IFI16: variants seen among roughly 807,000 people sequenced by gnomAD.
The protein encoded by IFI16 is interferon gamma inducible protein 16, also known as gamma-interferon-inducible protein 16.
In IFI16, 49 loss-of-function variants were observed where a neutral mutation model predicts 68.4. That is an observed-to-expected ratio of 0.72 (90% CI 0.57 to 0.91). The LOEUF (loss-of-function observed/expected upper bound fraction) is 0.91, where lower values mean the gene tolerates loss of function less well. Ranked by LOEUF, IFI16 falls within the 40% of genes least tolerant of loss-of-function variation. The pLI, the probability that IFI16 is intolerant of heterozygous loss-of-function variation, is 0.00. For missense variants in IFI16, 878 were observed against 942.9 expected, an observed-to-expected ratio of 0.93 and a Z score of 0.90; for synonymous variants, 307 against 315.0, an observed-to-expected ratio of 0.97 and a Z score of 0.27.
Position 159,022,547 on chromosome 1 carries a change from C to T in IFI16, c.1161+2018C>T, listed in dbSNP as rs150233837. The stretch of plus-strand genomic sequence containing the variant: ...TGTCCCGACTGGCTAGCACTTAGAA[C>T]TTTTTAAAAGAGGCAAAGGCATAGG... On this transcript the variant is annotated intron_variant, in intron 6 of 11. Coordinates refer to ENST00000295809, the MANE Select transcript of IFI16 (RefSeq NM_001376587.1). Among the ~76,000 whole-genome samples, 147 of 152,102 alleles carry T rather than the reference C, an allele frequency of 9.7e-4. No homozygotes were observed. The East Asian group carries it at 0.025, about 26-fold the overall frequency.
At chr1:159,006,273 G>A (rs1186564894), upstream of IFI16, among the ~76,000 whole-genome samples, 3 of 152,146 alleles carry the variant, frequency 2.0e-5, no homozygotes, top group Non-Finnish European at 4.4e-5. Flanking sequence ...TTATACCTAG[G>A]TTTAGGAAGG....
At chr1:159,007,996 A>G (rs919865969), upstream of IFI16, among the ~76,000 whole-genome samples, 2 of 152,252 alleles carry the variant, frequency 1.3e-5, no homozygotes, top group African/African-American at 4.8e-5. Flanking sequence ...AGACATTTGC[A>G]ATACTGACAG....
intron 7 of IFI16, among the ~76,000 whole-genome samples, chr1:159,041,042 G>C (rs1390406580): frequency 6.6e-6 from 1 of 152,188 alleles, no homozygotes; most frequent in Non-Finnish European, 1.5e-5. Flanking sequence ...AGAGTGGCCA[G>C]AGGCTGTTCT....
chr1:159,007,982 G>T (rs1652321626), upstream of IFI16, among the ~76,000 whole-genome samples: 2 of 152,132 alleles, frequency 1.3e-5, no homozygotes, highest in South Asian at 4.1e-4. Flanking sequence ...TCTTAGCAAG[G>T]TAAAGACATT....
At chr1:159,030,181 A>G (rs1653919202) in intron 6 of IFI16, among the ~76,000 whole-genome samples, 1 of 151,320 alleles carries the variant, frequency 6.6e-6, no homozygotes, top group South Asian at 2.1e-4. Context: ...ATTTTTTTGG[A>G]GATTTTTCCA....
chr1:159,015,018 C>T (rs1652834672), intron 2 of IFI16, 73 bp downstream of exon 2: 1 of 1,356,418 alleles, frequency 7.4e-7, no homozygotes, highest in Non-Finnish European at 1.0e-6. Context: ...TAGAGCCCCA[C>T]CTCGGACATA....
At chr1:159,015,226 A>C (rs1652845891) in intron 2 of IFI16, among the ~76,000 whole-genome samples, 1 of 152,208 alleles carries the variant, frequency 6.6e-6, no homozygotes, top group African/African-American at 2.4e-5. Flanking sequence ...CATTAGAAAG[A>C]TTATATAATA....
At chr1:159,012,833 C>A (rs999927313) in intron 1 of IFI16, among the ~76,000 whole-genome samples, 1 of 152,106 alleles carries the variant, frequency 6.6e-6, no homozygotes, top group African/African-American at 2.4e-5. Flanking sequence ...AGTTTGAAGA[C>A]GAACTTATTG....
chr1:159,054,432 AAACCTTCTTTGATAGCAATTGC>A (rs1446999655), intron 11 of IFI16, among the ~76,000 whole-genome samples: 2 of 152,174 alleles, frequency 1.3e-5, no homozygotes, highest in African/African-American at 4.8e-5. Context: ...CAAACATTTC[AAACCTTCTTTGATAGCAATTGC>A]ACCAGGAATA....
upstream of IFI16, among the ~76,000 whole-genome samples, chr1:159,001,712 T>G (rs1053955456): frequency 5.3e-5 from 8 of 152,182 alleles, no homozygotes; most frequent in Non-Finnish European, 1.2e-4. Context: ...ACAACCCTAT[T>G]ACGTGCTAAC....
At chr1:159,040,046 A>G (rs1401249476) in intron 7 of IFI16, among the ~76,000 whole-genome samples, 2 of 152,250 alleles carry the variant, frequency 1.3e-5, no homozygotes, top group African/African-American at 4.8e-5. Context: ...CCAACTGGGC[A>G]TATGAATAAA....
chr1:159,051,905 C>T lies in IFI16; in HGVS notation c.1892C>T (p.Ala631Val). Residue 631 changes from alanine (A) to valine (V), a missense_variant, in exon 10 of 12, where the codon GCC becomes GTC. By Grantham distance (64) the Ala-to-Val change is moderately conservative (BLOSUM62 0). Around this residue, in one of 4 missense-constraint regions of IFI16, gnomAD observed 311 missense variants for 305.1 expected, o/e 1.02. Coordinates refer to ENST00000295809, the MANE Select transcript of IFI16 (RefSeq NM_001376587.1). Reference protein sequence around the residue: ...KEKFTPKKIIAIANYVCRNGF... With the variant: ...KEKFTPKKIIVIANYVCRNGF... ...AAGTTCACCCCAAAGAAGATCATTG[C>T]CATAGCAAATTATGTTTGCCGCAAT... 6.2e-7 allele frequency: 1 copy of T among 1,614,034 alleles called. No individual in the cohort carries two copies. Among genetic ancestry groups the T allele is most frequent in the Non-Finnish European group, 8.5e-7 (1 of 1,179,930 alleles).
Position 159,018,635 on chromosome 1 carries a change from T to A in IFI16, c.956T>A (p.Val319Glu). ...GCTTCAGGAAATATTGTATATGGGG[T>A]ATTTATGCTACATAAGGTAAGTCCT... ...KQASGNIVYG[V>E]FMLHKKTVNQ... The change falls in exon 5 of 12, where the codon GTA (valine) becomes GAA (glutamate). Residue 319 changes from valine (V) to glutamate (E), a missense_variant. Coordinates refer to ENST00000295809, the MANE Select transcript of IFI16 (RefSeq NM_001376587.1). The A allele has an allele frequency of 6.2e-7, 1 of 1,606,092 alleles. No individual in the cohort carries two copies. Among genetic ancestry groups the A allele is most frequent in the Non-Finnish European group, 8.5e-7 (1 of 1,176,430 alleles).
At chr1:159,048,604 T>C (rs1203591297) in intron 8 of IFI16, among the ~76,000 whole-genome samples, 1 of 151,416 alleles carries the variant, frequency 6.6e-6, no homozygotes, top group Admixed American at 6.6e-5. Flanking sequence ...CTGTTCTCCA[T>C]GTGAGCTCAC....
At chr1:159,050,057 C>T (rs1255613247) in intron 9 of IFI16, among the ~76,000 whole-genome samples, 2 of 152,194 alleles carry the variant, frequency 1.3e-5, no homozygotes, top group Non-Finnish European at 2.9e-5. Context: ...CATTTCAGTA[C>T]ATGGTCTTTC....
intron 6 of IFI16, among the ~76,000 whole-genome samples, chr1:159,029,494 C>T (rs1101998): frequency 0.66 from 100,324 of 152,066 alleles, 36,963 homozygotes; most frequent in Admixed American, 0.81. Context: ...GGGTGTTCCC[C>T]GGGTGTTCTT....
chr1:159,052,154 TCTTAA>T (rs1655406234), intron 10 of IFI16, 56 bp downstream of exon 10: 2 of 1,411,618 alleles, frequency 1.4e-6, no homozygotes, highest in African/African-American at 2.9e-5. Context: ...ATTTTTAAAG[TCTTAA>T]CTTGTCAACT....
intron 8 of IFI16, among the ~76,000 whole-genome samples, chr1:159,046,247 A>C (rs1654977949): frequency 6.6e-6 from 1 of 151,164 alleles, no homozygotes. Flanking sequence ...GTAGCTTTAT[A>C]ATTATTTCCT....
intron 6 of IFI16, among the ~76,000 whole-genome samples, chr1:159,027,949 T>C (rs1475188439): frequency 1.3e-5 from 2 of 152,200 alleles, no homozygotes; most frequent in Non-Finnish European, 2.9e-5. Flanking sequence ...TGTTTATTTT[T>C]TCAAAGAACC....
Sources: gnomAD v4.1 joint callset for allele counts (sites outside exome capture counted in the v4.1 genomes callset) on GRCh38, gnomAD v4.1.1 for gene constraint, gnomAD v4.1.1 regional missense constraint, MANE v1.5 for transcripts, NCBI Gene and HGNC (gene_info 2026-07-23, HGNC 2026-07-21) for gene names.